The following FGF8 variants were observed in gnomAD, a reference collection of about 807,000 sequenced individuals.
FGF8 encodes androgen-induced growth factor.
Under a neutral mutation model 29.7 loss-of-function variants are expected in FGF8, and 12 were observed. The ratio of observed to expected loss-of-function variants is 0.40; its 90% CI spans 0.26 to 0.65. The LOEUF (loss-of-function observed/expected upper bound fraction) is 0.65, where lower values mean the gene tolerates loss of function less well. FGF8 is among the 30% of genes least tolerant of loss of function. The pLI, the probability that FGF8 is intolerant of heterozygous loss-of-function variation, is 0.37. For missense variants in FGF8, 271 were observed against 345.1 expected (o/e 0.79, Z 1.70); for synonymous variants, 157 against 144.4 (o/e 1.09, Z -0.63).
chr10:101,779,535 T>C (rs982132459), upstream of FGF8, among the ~76,000 whole-genome samples: 1 of 151,718 alleles, frequency 6.6e-6, no homozygotes, highest in African/African-American at 2.4e-5. This position sits in a 1 kb window ranked among gnomAD's most constrained non-coding sequence, Gnocchi z 5.7. Context: ...GCCGAGAAAC[T>C]CTTGGGCCGA....
intron 3 of FGF8, 70 bp from the exon 4 acceptor site, chr10:101,774,982 A>C (rs1450925259): frequency 6.4e-7 from 1 of 1,563,242 alleles, no homozygotes; most frequent in Non-Finnish European, 8.8e-7. Context: ...GAGTGGCCCC[A>C]TCACCCTGCG....
rs1021415333 is a variant in FGF8, at chr10:101,770,157, A to C, written c.*172T>G. On this transcript the variant is annotated 3_prime_UTR_variant, in exon 6 of 6. Coordinates refer to ENST00000320185, the MANE Select transcript of FGF8 (RefSeq NM_033163.5). ...CTTTTGTTTTAAAAAAAAAAAAAAA[A>C]AAAAAAACAGCAAAAACCCAACAGC... 2.9e-5 allele frequency: 17 copies of C among 579,240 alleles called. No homozygotes were observed. Among genetic ancestry groups the C allele is most frequent in the South Asian group, 1.7e-4 (6 of 35,656 alleles). The allele number at this position is 579,240 out of a possible 1,614,324, so 35.9% of individuals were successfully genotyped here.
At chr10:101,777,726 G>T (rs537086269), upstream of FGF8, among the ~76,000 whole-genome samples, 2 of 152,358 alleles carry the variant, frequency 1.3e-5, no homozygotes, top group African/African-American at 2.4e-5. Context: ...GTGGCACAAG[G>T]CTGGGCAGAG....
In FGF8 at chr10:101,770,623, C is replaced by A; in HGVS notation, c.445-4G>T. On this transcript the variant is annotated splice_polypyrimidine_tract_variant and splice_region_variant and intron_variant, in intron 5 of 5. Transcript: ENST00000320185. ...AGTCCTTGCCTTTGCCGTTGCTCTGCAGGTAGGGGAGCCAGACACCACGTT... is the reference window on the plus strand; with the variant it reads ...AGTCCTTGCCTTTGCCGTTGCTCTGAAGGTAGGGGAGCCAGACACCACGTT... 1 of 1,607,748 alleles carries A rather than the reference C, an allele frequency of 6.2e-7. No individual in the cohort carries two copies. The highest frequency in any genetic ancestry group is 2.2e-5 in the East Asian group (1 of 44,866).
chr10:101,774,566 C>G (rs1269164887), intron 4 of FGF8, among the ~76,000 whole-genome samples, 166 bp downstream of exon 4: 4 of 152,140 alleles, frequency 2.6e-5, no homozygotes, highest in Non-Finnish European at 5.9e-5. Context: ...AAGTACTCCC[C>G]GAGGCCCCTT....
intron 3 of FGF8, 29 bp from the exon 4 acceptor site, chr10:101,774,941 A>T: frequency 6.2e-7 from 1 of 1,609,636 alleles, no homozygotes; most frequent in African/African-American, 1.3e-5. Context: ...TACACAATAC[A>T]CCATTATAAT....
At chr10:101,776,431 G>A, upstream of FGF8, among the ~76,000 whole-genome samples, 1 of 151,088 alleles carries the variant, frequency 6.6e-6, no homozygotes. Context: ...GTCCCCTCGC[G>A]CGCTCCCCGG....
rs2065012276 is a variant in FGF8 at position 101,770,731 on chromosome 10, G to A, written c.445-112C>T. 5 of 1,200,974 alleles carry A rather than the reference G, an allele frequency of 4.2e-6. No individual in the cohort carries two copies. In the East Asian group the frequency reaches 9.8e-5, roughly 24 times the overall value. The allele number at this position is 1,200,974 out of a possible 1,614,324, so 74.4% of individuals were successfully genotyped here. A position where few individuals can be genotyped will look rare whatever the true frequency, so the allele number is the denominator to read the frequency against. ...CCAGCAGATGGCGAGGTGGGCAGGAGCCGCAGCCCCACCCCCTGCCTGGGC... is the reference window on the plus strand; with the variant it reads ...CCAGCAGATGGCGAGGTGGGCAGGAACCGCAGCCCCACCCCCTGCCTGGGC... On this transcript the variant is annotated intron_variant, in intron 5 of 5. Transcript: ENST00000320185.
chr10:101,776,559 C>T (rs1485060156), upstream of FGF8, among the ~76,000 whole-genome samples: 1 of 152,016 alleles, frequency 6.6e-6, no homozygotes, highest in African/African-American at 2.4e-5. Context: ...TGGGTCTCCG[C>T]CTCCGGGCCC....
In FGF8 at chr10:101,775,611, TG is replaced by T; in HGVS notation, c.69+128del. ...CTCCCTCCTCGGGGTGGCTCGGGGC[TG>T]GGTTTCTAAGGTGCCCTCAGCCCTC... On this transcript the variant is annotated intron_variant, in intron 2 of 5. Transcript: ENST00000320185. This position sits in a 1 kb window ranked among gnomAD's most constrained non-coding sequence, Gnocchi z 4.6. The T allele has an allele frequency of 9.3e-7, 1 of 1,072,868 alleles. No homozygotes were observed. 66.5% of individuals were successfully genotyped at this position (1,072,868 alleles called of 1,614,324 possible). A position where few individuals can be genotyped will look rare whatever the true frequency, so the allele number is the denominator to read the frequency against.
chr10:101,773,337 T>A (rs2065048225), intron 4 of FGF8, among the ~76,000 whole-genome samples: 1 of 152,170 alleles, frequency 6.6e-6, no homozygotes. Flanking sequence ...GGCATTCGTC[T>A]CCTCTCCTTA....
upstream of FGF8, among the ~76,000 whole-genome samples, chr10:101,778,112 T>C (rs2135007117): frequency 6.6e-6 from 1 of 152,394 alleles, no homozygotes; most frequent in South Asian, 2.1e-4. Flanking sequence ...GTCTGTTTGC[T>C]TGTGGTCTTA....
At position 101,775,177 on chromosome 10, in the gene FGF8, C is replaced by A. The variant is rs749761471; in HGVS notation, c.109G>T (p.Ala37Ser). 1 of 1,548,352 alleles carries A rather than the reference C, an allele frequency of 6.5e-7. No individual in the cohort carries two copies. The highest frequency in any genetic ancestry group is 2.4e-5 in the East Asian group (1 of 40,912). ...GRGPALGREL[A>S]SLFRAGREPQ... is the part of the protein sequence containing the mutation. Reference sequence around the variant, plus strand: ...TCCCGGCCAGCCCGGAACAGGGAAGCGAGCTCCCTGCCCAGCGCAGGGCCC... The same window carrying A: ...TCCCGGCCAGCCCGGAACAGGGAAGAGAGCTCCCTGCCCAGCGCAGGGCCC... Residue 37 changes from alanine to serine, a missense_variant, in exon 3 of 6, where the codon GCT becomes TCT. By Grantham distance (99) the Ala-to-Ser change is moderately conservative. Transcript: ENST00000320185. This position sits in a 1 kb window ranked among gnomAD's most constrained non-coding sequence, Gnocchi z 4.6.
chr10:101,780,084 C>T (rs1402716484), upstream of FGF8, among the ~76,000 whole-genome samples: 1 of 152,242 alleles, frequency 6.6e-6, no homozygotes, highest in Admixed American at 6.5e-5. Flanking sequence ...CGACTTCCCT[C>T]TCCCTGCCGA....
chr10:101,774,996 C>T (rs754969584), intron 3 of FGF8, 84 bp from the exon 4 acceptor site: 7 of 1,534,108 alleles, frequency 4.6e-6, no homozygotes, highest in East Asian at 2.3e-5. Flanking sequence ...CCCTGCGTCC[C>T]CCTCACTGCC....
rs2065069264 is a variant in FGF8, at chr10:101,774,928, A to G, written c.157-16T>C. ...GAACAGTTACCTTTAGGAAATTGAAAAATACACAATACACCATTATAATGC... is the reference window on the plus strand; with the variant it reads ...GAACAGTTACCTTTAGGAAATTGAAGAATACACAATACACCATTATAATGC... On this transcript the variant is annotated splice_polypyrimidine_tract_variant and intron_variant, in intron 3 of 5. Coordinates refer to ENST00000320185, the MANE Select transcript of FGF8 (RefSeq NM_033163.5). 8.1e-6 allele frequency: 13 copies of G among 1,613,378 alleles called. No homozygotes were observed. The highest frequency in any genetic ancestry group is 1.1e-5 in the Non-Finnish European group (13 of 1,179,502).
chr10:101,775,950 G>C lies in FGF8; in HGVS notation c.-50C>G. On this transcript the variant is annotated 5_prime_UTR_variant, in exon 1 of 6. Coordinates refer to ENST00000320185, the MANE Select transcript of FGF8 (RefSeq NM_033163.5). This position sits in a 1 kb window ranked among gnomAD's most constrained non-coding sequence, Gnocchi z 4.6. ...AGCCCGGCGGGTCACGCCGTCCCGC[G>C]GGCCGCCGCGGGAGGACGCGCTGAG... The C allele has an allele frequency of 1.7e-6, 2 of 1,151,462 alleles. No homozygotes were observed. Among genetic ancestry groups the C allele is most frequent in the Non-Finnish European group, 1.1e-6 (1 of 935,370 alleles). The allele number at this position is 1,151,462 out of a possible 1,614,324, so 71.3% of individuals were successfully genotyped here.
At chr10:101,778,809 G>C (rs1190822509), upstream of FGF8, among the ~76,000 whole-genome samples, 1 of 152,166 alleles carries the variant, frequency 6.6e-6, no homozygotes, top group Non-Finnish European at 1.5e-5. Flanking sequence ...TCCCTCCCTT[G>C]CTGGCTCGCC....
rs1283629304 is a variant in FGF8, at chr10:101,775,226, C to T, written c.70-10G>A. 9.7e-6 allele frequency: 15 copies of T among 1,544,004 alleles called. No homozygotes were observed. The African/African-American group carries it at 1.8e-4, about 18-fold the overall frequency. On this transcript the variant is annotated splice_polypyrimidine_tract_variant and intron_variant, in intron 2 of 5. Transcript: ENST00000320185. This position sits in a 1 kb window ranked among gnomAD's most constrained non-coding sequence, Gnocchi z 4.6. ...CCCTGCCCGGGCCTTCCTAGAGGAG[C>T]AGGGCGCTTTTAAGTAGGGAGGCAG...
Sources: allele counts gnomAD v4.1 joint callset (sites outside exome capture counted in the v4.1 genomes callset), GRCh38; gene constraint gnomAD v4.1.1; non-coding constraint Gnocchi (gnomAD v3.1); transcripts MANE v1.5; gene names NCBI Gene and HGNC (gene_info 2026-07-23, HGNC 2026-07-21).